SAMHD1: variants seen among roughly 807,000 people sequenced by gnomAD.
The protein encoded by SAMHD1 is deoxynucleoside triphosphate triphosphohydrolase SAMHD1.
Under a neutral mutation model 79.6 loss-of-function variants are expected in SAMHD1, and 54 were observed. The observed-to-expected ratio is 0.68, with a 90% CI of 0.55 to 0.85. The LOEUF is 0.85. Ranked by LOEUF, SAMHD1 falls within the 40% of genes least tolerant of loss-of-function variation. The probability of loss-of-function intolerance (pLI) is 0.00; values close to 1 mark genes in which losing one functional copy is unlikely to be tolerated. For missense variants in SAMHD1, 663 were observed against 782.7 expected, an observed-to-expected ratio of 0.85 and a Z score of 1.82; for synonymous variants, 260 against 264.1, an observed-to-expected ratio of 0.98 and a Z score of 0.15.
chr20:36,924,924 C>T (rs1038746192), intron 6 of SAMHD1, among the ~76,000 whole-genome samples: 3 of 151,680 alleles, frequency 2.0e-5, no homozygotes, highest in African/African-American at 4.8e-5. Context: ...TTTGGGAGGC[C>T]GATGTGGGTG....
chr20:36,947,085 C>A, intron 1 of SAMHD1: 2 of 334,404 alleles, frequency 6.0e-6, no homozygotes, highest in East Asian at 7.2e-5. Flanking sequence ...AAGTGAAACC[C>A]GACTACCTGT....
intron 15 of SAMHD1, among the ~76,000 whole-genome samples, chr20:36,896,210 G>A (rs1272301086): frequency 6.6e-6 from 1 of 151,764 alleles, no homozygotes; most frequent in Non-Finnish European, 1.5e-5. Context: ...CTGACCTCGT[G>A]ATCCGCCCAC....
chr20:36,944,890 G>A (rs554474341), intron 2 of SAMHD1, among the ~76,000 whole-genome samples: 3 of 152,018 alleles, frequency 2.0e-5, no homozygotes, highest in South Asian at 2.1e-4. Context: ...GCAAAACTCC[G>A]CTTCAAAAAA....
chr20:36,916,728 T>C lies in SAMHD1; in HGVS notation c.1056A>G (p.Arg352=). 6.2e-7 allele frequency: 1 copy of C among 1,610,406 alleles called. No homozygotes were observed. The highest frequency in any genetic ancestry group is 8.5e-7 in the Non-Finnish European group (1 of 1,176,676). Reference sequence around the variant, plus strand: ...CTCCTCTGGCACAGCTTACCTTATCTCTAGCACAAATACGCAACTCATTGT... The same window carrying C: ...CTCCTCTGGCACAGCTTACCTTATCCCTAGCACAAATACGCAACTCATTGT... The part of the protein sequence containing the change: ...EVDNELRICA[R]DKEVGNLYDM... Residue 352 remains arginine (R), a synonymous_variant, in exon 9 of 16, where the codon AGA becomes AGG. Coordinates refer to ENST00000646673, the MANE Select transcript of SAMHD1 (RefSeq NM_015474.4).
chr20:36,936,434 C>A (rs1202157213), intron 3 of SAMHD1, among the ~76,000 whole-genome samples: 1 of 152,048 alleles, frequency 6.6e-6, no homozygotes, highest in African/African-American at 2.4e-5. Flanking sequence ...GATCCTCCTG[C>A]CTCAGCCTCC....
At position 36,917,066 on chromosome 20, in the gene SAMHD1, C is replaced by G; in HGVS notation, c.853-17G>C. 6.4e-7 allele frequency: 1 copy of G among 1,564,876 alleles called. No homozygotes were observed. The highest frequency in any genetic ancestry group is 2.2e-5 in the East Asian group (1 of 44,638). ...ATATGGCCACTGGAAGGCAAGAAAACCCACTGGAAGTTTTAGGATAGGCAC... is the reference window on the plus strand; with the variant it reads ...ATATGGCCACTGGAAGGCAAGAAAAGCCACTGGAAGTTTTAGGATAGGCAC... On this transcript the variant is annotated splice_polypyrimidine_tract_variant and intron_variant, in intron 7 of 15. Coordinates refer to ENST00000646673, the MANE Select transcript of SAMHD1 (RefSeq NM_015474.4).
chr20:36,897,631 C>T, intron 15 of SAMHD1, 191 bp downstream of exon 15: 3 of 660,522 alleles, frequency 4.5e-6, no homozygotes, highest in Non-Finnish European at 7.9e-6. Context: ...ATTCCCAACT[C>T]CTGTAGGAAG....
chr20:36,939,735 A>T (rs1014351340), intron 3 of SAMHD1, among the ~76,000 whole-genome samples: 6 of 152,226 alleles, frequency 3.9e-5, no homozygotes, highest in African/African-American at 1.4e-4. Context: ...GCAAATGATG[A>T]TCGGGCAAAA....
chr20:36,917,788 C>T (rs1459326481), intron 7 of SAMHD1, among the ~76,000 whole-genome samples: 1 of 152,018 alleles, frequency 6.6e-6, no homozygotes. Context: ...ATTCTTTGAG[C>T]TCCACTTTTT....
At chr20:36,926,950 C>T (rs2063540176) in intron 6 of SAMHD1, 3 of 485,788 alleles carry the variant, frequency 6.2e-6, no homozygotes, top group Non-Finnish European at 1.1e-5. Flanking sequence ...AATACACATC[C>T]AAGAGTTTCA....
downstream of SAMHD1, chr20:36,889,944 C>G (rs929389167): frequency 6.6e-6 from 1 of 151,900 alleles, no homozygotes; most frequent in Admixed American, 6.6e-5. Context: ...CTTACAAAAA[C>G]AGGATTCTAC....
chr20:36,928,786 G>A (rs189741508), intron 5 of SAMHD1, among the ~76,000 whole-genome samples: 63 of 152,180 alleles, frequency 4.1e-4, no homozygotes, highest in Middle Eastern at 3.4e-3. Flanking sequence ...GCCGGGTGTG[G>A]TGGCTCATGC....
At chr20:36,906,823 G>A (rs1409505733) in intron 11 of SAMHD1, among the ~76,000 whole-genome samples, 2 of 147,218 alleles carry the variant, frequency 1.4e-5, no homozygotes, top group East Asian at 3.9e-4. Context: ...ACAGAGTCTT[G>A]CTTTGTCACC....
At chr20:36,937,281 T>G (rs999551076) in intron 3 of SAMHD1, among the ~76,000 whole-genome samples, 7 of 152,142 alleles carry the variant, frequency 4.6e-5, no homozygotes, top group African/African-American at 1.7e-4. Context: ...GAACACTGTG[T>G]CAAGAACAAA....
intron 7 of SAMHD1, among the ~76,000 whole-genome samples, chr20:36,918,948 C>A (rs2063490662): frequency 6.6e-6 from 1 of 151,938 alleles, no homozygotes; most frequent in African/African-American, 2.4e-5. Flanking sequence ...CTAACCTGGG[C>A]AACGTGACAA....
chr20:36,913,327 G>C (rs2063456507), intron 9 of SAMHD1, among the ~76,000 whole-genome samples: 1 of 151,276 alleles, frequency 6.6e-6, no homozygotes, highest in Admixed American at 6.6e-5. Context: ...AACTAGGCCA[G>C]GTGCGATGGC....
chr20:36,893,469 AAAG>A (rs1311669519), intron 15 of SAMHD1: 1 of 293,012 alleles, frequency 3.4e-6, no homozygotes, highest in Non-Finnish European at 6.4e-6. Flanking sequence ...ACAAGATGGC[AAAG>A]AAGGGGAGGA....
chr20:36,907,599 G>A (rs571693552), intron 11 of SAMHD1, among the ~76,000 whole-genome samples: 38 of 140,622 alleles, frequency 2.7e-4, no homozygotes, highest in Admixed American at 4.6e-4. Flanking sequence ...GAGTGCAATG[G>A]TGCGATCTCA....
At chr20:36,905,999 T>C (rs988703396) in intron 11 of SAMHD1, among the ~76,000 whole-genome samples, 1 of 151,244 alleles carries the variant, frequency 6.6e-6, no homozygotes, top group Non-Finnish European at 1.5e-5. Context: ...TTCCTGTCAA[T>C]GTCTTGGATT....
Sources: gnomAD v4.1 joint callset for allele counts (sites outside exome capture counted in the v4.1 genomes callset) on GRCh38, gnomAD v4.1.1 for gene constraint, MANE v1.5 for transcripts, NCBI Gene and HGNC (gene_info 2026-07-23, HGNC 2026-07-21) for gene names.